Variants in LGALS8 observed in about 807,000 individuals in gnomAD.
LGALS8 encodes the protein galectin 8.
A neutral mutation model predicts 35.9 loss-of-function variants in LGALS8; 30 were observed. The observed-to-expected ratio is 0.83, with a 90% confidence interval of 0.62 to 1.13. The LOEUF is 1.13. LGALS8 is among the 50% of genes most tolerant of loss of function. The pLI, the probability that LGALS8 is intolerant of heterozygous loss-of-function variation, is 0.00. For missense variants in LGALS8, 366 were observed against 388.7 expected (o/e 0.94, Z 0.49); for synonymous variants, 138 against 136.1 (o/e 1.01, Z -0.10).
At position 236,543,659 on chromosome 1, in the gene LGALS8, T is replaced by A; in HGVS notation, c.638+11T>A. The stretch of plus-strand genomic sequence containing the variant: ...TGCAAATGCCAAAAGGTCAGTATCC[T>A]TCGGTACCAGTCACAGTGCAGATAC... On this transcript the variant is annotated intron_variant, in intron 8 of 9. Coordinates refer to ENST00000366584, the MANE Select transcript of LGALS8 (RefSeq NM_201544.4). 1 of 1,597,394 alleles carries A rather than the reference T, an allele frequency of 6.3e-7. No individual in the cohort carries two copies. Among genetic ancestry groups the A allele is most frequent in the Non-Finnish European group, 8.6e-7 (1 of 1,164,860 alleles).
chr1:236,542,741 TTTTG>T lies in LGALS8; in HGVS notation c.523-16_523-13del, dbSNP rs1662084690. 1 of 1,613,272 alleles carries T rather than the reference TTTTG, an allele frequency of 6.2e-7. No homozygotes were observed. The highest frequency in any genetic ancestry group is 8.5e-7 in the Non-Finnish European group (1 of 1,179,204). On this transcript the variant is annotated splice_polypyrimidine_tract_variant and intron_variant, in intron 6 of 9. Coordinates refer to ENST00000366584, the MANE Select transcript of LGALS8 (RefSeq NM_201544.4). The stretch of plus-strand genomic sequence containing the variant: ...TTCTTCCCCTTCTAACATTGTTGTG[TTTTG>T]TTTCTTTTCCAATAGGTTCCAAAGT...
intron 2 of LGALS8, among the ~76,000 whole-genome samples, chr1:236,535,512 A>T (rs557797612): frequency 6.6e-6 from 1 of 152,288 alleles, no homozygotes; most frequent in South Asian, 2.1e-4. Flanking sequence ...GCATAAAGAT[A>T]ATTTTAAGAT....
At chr1:236,538,627 T>G (rs1661736658) in intron 3 of LGALS8, among the ~76,000 whole-genome samples, 1 of 152,240 alleles carries the variant, frequency 6.6e-6, no homozygotes, top group Admixed American at 6.5e-5. Flanking sequence ...CAGGCAGGCC[T>G]AGCTGCGAGG....
At chr1:236,539,299 A>G (rs1661797422) in intron 4 of LGALS8, 2 of 571,648 alleles carry the variant, frequency 3.5e-6, no homozygotes, top group Non-Finnish European at 3.2e-6. Context: ...CCATGCAGAA[A>G]TATGGTCCAC....
Position 236,550,467 on chromosome 1 carries a change from A to C in LGALS8, c.*2306A>C, listed in dbSNP as rs2103117431. 6.5e-6 allele frequency: 1 copy of C among 154,938 alleles called. No homozygotes were observed. Among genetic ancestry groups the C allele is most frequent in the Non-Finnish European group, 1.4e-5 (1 of 69,954 alleles). 9.6% of individuals were successfully genotyped at this position (154,938 alleles called of 1,614,324 possible). A position where few individuals can be genotyped will look rare whatever the true frequency, so the allele number is the denominator to read the frequency against. ...AAAGTACTTCTGTTGATTGCTAAAT[A>C]ACTTCATTTTCTTGAAATAGAGCAA... On this transcript the variant is annotated 3_prime_UTR_variant, in exon 10 of 10. Coordinates refer to ENST00000366584, the MANE Select transcript of LGALS8 (RefSeq NM_201544.4).
intron 6 of LGALS8, chr1:236,542,496 T>A (rs763856604): frequency 1.9e-6 from 1 of 519,510 alleles, no homozygotes; most frequent in Non-Finnish European, 3.4e-6. Flanking sequence ...AAATTTCATA[T>A]AGTTCTATGA....
chr1:236,536,630 GTGCAGTCTGGGT>G (rs1228166171), intron 2 of LGALS8: 9 of 152,378 alleles, frequency 5.9e-5, no homozygotes, highest in Non-Finnish European at 1.0e-4. Flanking sequence ...GTTTCTAACA[GTGCAGTCTGGGT>G]TGCAGTCTGG....
At chr1:236,547,479 C>T (rs1662440979) in intron 9 of LGALS8, among the ~76,000 whole-genome samples, 1 of 152,090 alleles carries the variant, frequency 6.6e-6, no homozygotes, top group African/African-American at 2.4e-5. Flanking sequence ...CTGTAAAAAC[C>T]CTAGCAAGTG....
At chr1:236,538,840 CT>C in intron 3 of LGALS8, 38 bp from the exon 4 acceptor site, 1 of 1,507,598 alleles carries the variant, frequency 6.6e-7, no homozygotes, top group Non-Finnish European at 9.2e-7. Context: ...GCTTTCCTTT[CT>C]GAGCACTCAT....
At chr1:236,540,705 G>A in intron 5 of LGALS8, 22 bp downstream of exon 5, 5 of 1,585,414 alleles carry the variant, frequency 3.2e-6, no homozygotes, top group Non-Finnish European at 4.3e-6. Context: ...TCCACAGCTT[G>A]GGGTCTTTTA....
Position 236,526,119 on chromosome 1 carries a change from A to G in LGALS8, c.45+4A>G. On this transcript the variant is annotated splice_donor_region_variant and intron_variant, in intron 2 of 9. Coordinates refer to ENST00000366584, the MANE Select transcript of LGALS8 (RefSeq NM_201544.4). This position sits in a 1 kb window ranked among gnomAD's most constrained non-coding sequence, Gnocchi z 4.6. ...ACAGAATATCATCTATAACCCGGTA[A>G]CTGATTTCTATAAGATAACTTTTTA... The G allele has an allele frequency of 1.3e-6, 2 of 1,595,916 alleles. No individual in the cohort carries two copies. Among genetic ancestry groups the G allele is most frequent in the Non-Finnish European group, 1.7e-6 (2 of 1,163,968 alleles).
In LGALS8 at chr1:236,546,159, A is replaced by G. The variant is rs987030060; in HGVS notation, c.804+1244A>G. 2.0e-5 allele frequency among the ~76,000 whole-genome samples: 3 copies of G among 152,254 alleles called. No individual in the cohort carries two copies. The South Asian group carries it at 6.2e-4, about 31-fold the overall frequency. On this transcript the variant is annotated intron_variant, in intron 9 of 9. Transcript: ENST00000366584. ...ACTTCATAATTCAAACCATACCATTAGGATTAGGTGAACCACATTCCAGGC... is the reference window on the plus strand; with the variant it reads ...ACTTCATAATTCAAACCATACCATTGGGATTAGGTGAACCACATTCCAGGC...
chr1:236,537,033 T>TTTTTTTTTTTTTTG (rs1661566208), intron 2 of LGALS8, among the ~76,000 whole-genome samples: 3 of 149,538 alleles, frequency 2.0e-5, no homozygotes, highest in African/African-American at 7.5e-5. Flanking sequence ...TTTTTTTTTT[T>TTTTTTTTTTTTTTG]TGAGACGGAG....
At chr1:236,542,924 AGAG>A (rs1448500479) in intron 7 of LGALS8, 137 bp downstream of exon 7, 12 of 1,614,094 alleles carry the variant, frequency 7.4e-6, no homozygotes, top group African/African-American at 2.7e-5. Context: ...GCCTAGTAAT[AGAG>A]GAGGAGACAT....
At chr1:236,538,816 G>T in intron 3 of LGALS8, 63 bp from the exon 4 acceptor site, 1 of 1,145,248 alleles carries the variant, frequency 8.7e-7, no homozygotes, top group Non-Finnish European at 1.3e-6. Context: ...GTGCCTGCTG[G>T]TCCTTTACTG....
In LGALS8 at chr1:236,549,130, C is replaced by G; in HGVS notation, c.*969C>G. The G allele has an allele frequency of 2.5e-6, 1 of 396,928 alleles. No homozygotes were observed. Among genetic ancestry groups the G allele is most frequent in the East Asian group, 3.6e-5 (1 of 28,036 alleles). 24.6% of individuals were successfully genotyped at this position (396,928 alleles called of 1,614,324 possible). On this transcript the variant is annotated 3_prime_UTR_variant, in exon 10 of 10. Transcript: ENST00000366584. Reference sequence around the variant, plus strand: ...ACCCACAAAGCAGGCAGAGGTAATGCAGAAATCTGTTTTGTTCCCATGAAA... The same window carrying G: ...ACCCACAAAGCAGGCAGAGGTAATGGAGAAATCTGTTTTGTTCCCATGAAA...
chr1:236,536,590 C>A (rs1293579314), intron 2 of LGALS8: 1 of 152,434 alleles, frequency 6.6e-6, no homozygotes, highest in African/African-American at 2.4e-5. Context: ...CACAGGCACC[C>A]ACTCATCCTC....
At chr1:236,543,686 TC>T in intron 8 of LGALS8, 38 bp downstream of exon 8, 1 of 1,443,034 alleles carries the variant, frequency 6.9e-7, no homozygotes, top group South Asian at 1.1e-5. Flanking sequence ...TGCAGATACT[TC>T]CGTGCCTGTT....
intron 7 of LGALS8, 184 bp from the exon 8 acceptor site, chr1:236,543,376 T>C (rs559915140): frequency 2.8e-6 from 2 of 701,872 alleles, no homozygotes; most frequent in Admixed American, 4.0e-5. Context: ...TCATGTGTGT[T>C]TGCTTCGAGC....
Sources: gnomAD v4.1 joint callset for allele counts (sites outside exome capture counted in the v4.1 genomes callset) on GRCh38, gnomAD v4.1.1 for gene constraint, Gnocchi (gnomAD v3.1) non-coding constraint, MANE v1.5 for transcripts, NCBI Gene and HGNC (gene_info 2026-07-23, HGNC 2026-07-21) for gene names.